Variants in SPNS2 observed in about 807,000 individuals in gnomAD.
The protein encoded by SPNS2 is sphingosine-1-phosphate transporter SPNS2.
Under a neutral mutation model 57.6 loss-of-function variants are expected in SPNS2, and 37 were observed. That is an observed-to-expected ratio of 0.64 (90% CI 0.49 to 0.85). SPNS2 has a LOEUF of 0.85. Ranked by LOEUF, SPNS2 falls within the 40% of genes least tolerant of loss-of-function variation. The pLI, the probability that SPNS2 is intolerant of heterozygous loss-of-function variation, is 0.00. For missense variants in SPNS2, 831 were observed against 779.1 expected (o/e 1.07, Z -0.79); for synonymous variants, 440 against 346.9 (o/e 1.27, Z -2.98).
Position 4,537,048 on chromosome 17 carries a change from A to C in SPNS2, c.*4+102A>C, listed in dbSNP as rs1905878714. 4 of 1,251,458 alleles carry C rather than the reference A, an allele frequency of 3.2e-6. No individual in the cohort carries two copies. In the Admixed American group the frequency reaches 6.5e-5, roughly 20 times the overall value. The allele number at this position is 1,251,458 out of a possible 1,614,324, so 77.5% of individuals were successfully genotyped here. A position where few individuals can be genotyped will look rare whatever the true frequency, so the allele number is the denominator to read the frequency against. On this transcript the variant is annotated intron_variant, in intron 12 of 12. Transcript: ENST00000329078. The stretch of plus-strand genomic sequence containing the variant: ...TTCCTCCAGAGTCACCTCCTACCCC[A>C]GCACATCCCACCAACTCTGGGCTTT...
chr17:4,505,257 A>AGAGCTCT (rs1904642563), intron 1 of SPNS2, among the ~76,000 whole-genome samples: 1 of 152,176 alleles, frequency 6.6e-6, no homozygotes, highest in Non-Finnish European at 1.5e-5. Flanking sequence ...TCACAGACTC[A>AGAGCTCT]GTTGACTGAG....
chr17:4,536,974 G>T, intron 12 of SPNS2, 28 bp downstream of exon 12: 1 of 1,610,312 alleles, frequency 6.2e-7, no homozygotes, highest in African/African-American at 1.3e-5. Context: ...GGCACGTGGG[G>T]GCTCCCTAAG....
chr17:4,524,711 G>T (rs1905221543), intron 2 of SPNS2, among the ~76,000 whole-genome samples: 1 of 152,174 alleles, frequency 6.6e-6, no homozygotes, highest in Non-Finnish European at 1.5e-5. Context: ...ATTTTAAAAA[G>T]ATATGTGAGA....
At chr17:4,528,621 C>T (rs528596235) in intron 3 of SPNS2, among the ~76,000 whole-genome samples, 83 of 152,224 alleles carry the variant, frequency 5.5e-4, no homozygotes, top group African/African-American at 1.8e-3. Flanking sequence ...CGATTATAGG[C>T]GACTGCCACC....
At chr17:4,527,976 A>C (rs888495499) in intron 3 of SPNS2, among the ~76,000 whole-genome samples, 2 of 151,870 alleles carry the variant, frequency 1.3e-5, no homozygotes, top group Admixed American at 1.3e-4. Flanking sequence ...GAAGCAATCT[A>C]AATGACCATC....
intron 1 of SPNS2, among the ~76,000 whole-genome samples, chr17:4,504,866 T>C (rs1014373690): frequency 5.3e-5 from 8 of 152,320 alleles, no homozygotes; most frequent in Admixed American, 2.0e-4. Context: ...TGACAGATGA[T>C]TTTTGTCCCT....
chr17:4,535,938 C>T (rs930301683), intron 9 of SPNS2, 138 bp from the exon 10 acceptor site: 13 of 677,720 alleles, frequency 1.9e-5, no homozygotes, highest in East Asian at 2.7e-5. Context: ...GGGCAGGGCC[C>T]AGGGGAGAGA....
At position 4,536,305 on chromosome 17, in the gene SPNS2, T is replaced by C; in HGVS notation, c.1486T>C (p.Trp496Arg). 3 of 1,612,670 alleles carry C rather than the reference T, an allele frequency of 1.9e-6. No individual in the cohort carries two copies. Among genetic ancestry groups the C allele is most frequent in the Non-Finnish European group, 2.5e-6 (3 of 1,179,956 alleles). Reference protein sequence around the residue: ...IRQSTKDSPLWEFLSLGYALM... With the variant: ...IRQSTKDSPLREFLSLGYALM... ...CCAGAGCACTAAGGACTCCCCGCTCTGGGAGTTCCTGAGCCTGGGCTACGC... is the reference window on the plus strand; with the variant it reads ...CCAGAGCACTAAGGACTCCCCGCTCCGGGAGTTCCTGAGCCTGGGCTACGC... The change falls in exon 11 of 13, where the codon TGG (tryptophan) becomes CGG (arginine). Residue 496 changes from tryptophan (W) to arginine (R), a missense_variant. Around this residue, in one of 2 missense-constraint regions of SPNS2, gnomAD observed 526 missense variants for 400.9 expected, o/e 1.31. Coordinates refer to ENST00000329078, the MANE Select transcript of SPNS2 (RefSeq NM_001124758.3).
At chr17:4,505,443 G>A (rs1904647896) in intron 1 of SPNS2, among the ~76,000 whole-genome samples, 1 of 152,208 alleles carries the variant, frequency 6.6e-6, no homozygotes, top group South Asian at 2.1e-4. Context: ...GAGCCTCAGG[G>A]CCTGAGTCTC....
Position 4,536,432 on chromosome 17 carries a change from T to G in SPNS2, c.1607+6T>G, listed in dbSNP as rs1357902953. On this transcript the variant is annotated splice_donor_region_variant and intron_variant, in intron 11 of 12. Transcript: ENST00000329078. ...CGCGCCAGGGCTGAGCAGCAGTGAG[T>G]GGGGGGGAGGGGAGGCCCTGCTGCA... 6.6e-5 allele frequency: 104 copies of G among 1,578,476 alleles called. No individual in the cohort carries two copies. The highest frequency in any genetic ancestry group is 8.9e-5 in the South Asian group (8 of 90,214).
At chr17:4,530,526 C>A in intron 3 of SPNS2, 106 bp from the exon 4 acceptor site, 1 of 1,376,052 alleles carries the variant, frequency 7.3e-7, no homozygotes, top group African/African-American at 1.4e-5. Flanking sequence ...ACCCTTCTCT[C>A]CCCTGGCTCC....
chr17:4,515,467 C>T (rs1904961214), intron 2 of SPNS2, among the ~76,000 whole-genome samples: 1 of 152,136 alleles, frequency 6.6e-6, no homozygotes, highest in Non-Finnish European at 1.5e-5. Flanking sequence ...GGGCGGGTGC[C>T]TCTGGGCCAT....
chr17:4,533,107 C>T lies in SPNS2; in HGVS notation c.1066C>T (p.Pro356Ser). The T allele has an allele frequency of 6.2e-7, 1 of 1,611,826 alleles. No individual in the cohort carries two copies. Among genetic ancestry groups the T allele is most frequent in the Admixed American group, 1.7e-5 (1 of 59,890 alleles). The change falls in exon 7 of 13, where the codon CCG (proline) becomes TCG (serine). Residue 356 changes from proline (P) to serine (S), a missense_variant. By Grantham distance (74) the Pro-to-Ser change is moderately conservative. Around this residue, in one of 2 missense-constraint regions of SPNS2, gnomAD observed 526 missense variants for 400.9 expected, o/e 1.31. Coordinates refer to ENST00000329078, the MANE Select transcript of SPNS2 (RefSeq NM_001124758.3). ...VQKTAETCNS[P>S]PCGAKDSLIF... ...GAAGACAGCAGAGACGTGCAACAGCCCGCCCTGTGGGGCCAAGGACAGGTG... is the reference window on the plus strand; with the variant it reads ...GAAGACAGCAGAGACGTGCAACAGCTCGCCCTGTGGGGCCAAGGACAGGTG...
chr17:4,530,836 G>A, intron 4 of SPNS2, 53 bp downstream of exon 4: 2 of 1,582,356 alleles, frequency 1.3e-6, no homozygotes, highest in Non-Finnish European at 1.7e-6. Flanking sequence ...AGGTTCCCTT[G>A]GACTTCTGAG....
At chr17:4,524,176 C>T (rs996289322) in intron 2 of SPNS2, among the ~76,000 whole-genome samples, 1 of 151,868 alleles carries the variant, frequency 6.6e-6, no homozygotes, top group South Asian at 2.1e-4. Flanking sequence ...ATCTCTTCCC[C>T]TCTCTGAGCT....
chr17:4,526,561 C>G (rs1905267055), intron 3 of SPNS2, among the ~76,000 whole-genome samples: 1 of 151,710 alleles, frequency 6.6e-6, no homozygotes, highest in African/African-American at 2.4e-5. Context: ...AGAGATCGCA[C>G]CACTGCACTC....
At chr17:4,526,571 C>T (rs1442048287) in intron 3 of SPNS2, among the ~76,000 whole-genome samples, 2 of 151,466 alleles carry the variant, frequency 1.3e-5, no homozygotes, top group African/African-American at 4.9e-5. Context: ...CCACTGCACT[C>T]CAGCCTGGGT....
At chr17:4,524,843 GACAT>G (rs1171059945) in intron 2 of SPNS2, among the ~76,000 whole-genome samples, 2 of 152,344 alleles carry the variant, frequency 1.3e-5, no homozygotes, top group Non-Finnish European at 2.9e-5. Context: ...GGGCGAACTG[GACAT>G]ACATGGGAGA....
intron 1 of SPNS2, 67 bp from the exon 2 acceptor site, chr17:4,513,180 C>T (rs910835414): frequency 1.1e-5 from 17 of 1,549,704 alleles, no homozygotes; most frequent in South Asian, 2.2e-5. Context: ...GGGAAAGAGG[C>T]TGGGCTGGTC....
Sources: allele counts gnomAD v4.1 joint callset (sites outside exome capture counted in the v4.1 genomes callset), GRCh38; gene constraint gnomAD v4.1.1; regional missense constraint gnomAD v4.1.1; transcripts MANE v1.5; gene names NCBI Gene and HGNC (gene_info 2026-07-23, HGNC 2026-07-21).